RIC3: variants seen among roughly 807,000 people sequenced by gnomAD.
RIC3 encodes the protein protein RIC-3.
Under a neutral mutation model 27.3 loss-of-function variants are expected in RIC3, and 28 were observed. The observed-to-expected ratio is 1.02, with a 90% CI of 0.76 to 1.41. The LOEUF is 1.41. RIC3 is among the 40% of genes most tolerant of loss of function. The probability of loss-of-function intolerance (pLI) is 0.00; values close to 1 mark genes in which losing one functional copy is unlikely to be tolerated. For synonymous variants in RIC3, 184 were observed against 160.4 expected (o/e 1.15, Z -1.11); for missense variants, 501 against 444.7 (o/e 1.13, Z -1.14).
intron 4 of RIC3, among the ~76,000 whole-genome samples, chr11:8,135,210 G>T (rs1948244487): frequency 6.6e-6 from 1 of 152,182 alleles, no homozygotes; most frequent in Non-Finnish European, 1.5e-5. Flanking sequence ...TGGCTAGCCA[G>T]TTTTCCCAAA....
At position 8,146,164 on chromosome 11, in the gene RIC3, G is replaced by A. The variant is rs1283769322; in HGVS notation, c.125-5971C>T. On this transcript the variant is annotated intron_variant, in intron 1 of 5. Coordinates refer to ENST00000309737, the MANE Select transcript of RIC3 (RefSeq NM_001206671.4). Reference sequence around the variant, plus strand: ...TTAACTCTGATTTCCTTAACTGGAAGAATGGAAAATCAAAATGGAGTGAAT... The same window carrying A: ...TTAACTCTGATTTCCTTAACTGGAAAAATGGAAAATCAAAATGGAGTGAAT... Among the ~76,000 whole-genome samples the A allele has an allele frequency of 2.0e-5, 3 of 152,346 alleles. No homozygotes were observed. In the East Asian group the frequency reaches 5.8e-4, roughly 29 times the overall value.
chr11:8,113,781 G>A (rs1342681239), intron 5 of RIC3, among the ~76,000 whole-genome samples: 2 of 152,118 alleles, frequency 1.3e-5, no homozygotes, highest in Admixed American at 6.5e-5. Flanking sequence ...ACCCAAGCCA[G>A]CCCTAATGAA....
chr11:8,122,518 T>C (rs979270025), intron 5 of RIC3, among the ~76,000 whole-genome samples: 2 of 152,000 alleles, frequency 1.3e-5, no homozygotes, highest in Non-Finnish European at 2.9e-5. Context: ...TTCCAGTTCT[T>C]GGCTATTGAA....
downstream of RIC3, chr11:8,101,851 T>TAATGATA: frequency 6.1e-6 from 3 of 491,688 alleles, no homozygotes; most frequent in South Asian, 3.8e-5. Flanking sequence ...AATAATTCTT[T>TAATGATA]CCATGCCACG....
the RIC3 span, chr11:8,100,601 CGTGA>C: frequency 6.2e-7 from 1 of 1,613,498 alleles, no homozygotes; most frequent in Non-Finnish European, 8.5e-7. Context: ...GCCCCCGCAA[CGTGA>C]GTGTCTACCC....
chr11:8,136,391 C>T (rs1404110708), intron 4 of RIC3, among the ~76,000 whole-genome samples: 1 of 152,186 alleles, frequency 6.6e-6, no homozygotes, highest in Non-Finnish European at 1.5e-5. Context: ...TCTGCCACTC[C>T]CCCTAATATT....
At chr11:8,124,582 T>C (rs1438385796) in intron 5 of RIC3, among the ~76,000 whole-genome samples, 3 of 152,060 alleles carry the variant, frequency 2.0e-5, no homozygotes, top group Non-Finnish European at 2.9e-5. Context: ...AAAATAATCT[T>C]GGGAAAAAAA....
chr11:8,160,977 G>A lies in RIC3; in HGVS notation c.124+7889C>T, dbSNP rs180682401. 2.7e-3 allele frequency among the ~76,000 whole-genome samples: 408 copies of A among 152,304 alleles called. 3 individuals carry two copies. Among genetic ancestry groups the A allele is most frequent in the African/African-American group, 9.5e-3 (395 of 41,558 alleles). ...CAATTTAGAAGTTTATTTTGCCAAC[G>A]TTAAGGACACGCCCAGGAGAGAGGT... is the stretch of plus-strand genomic sequence containing the variant. On this transcript the variant is annotated intron_variant, in intron 1 of 5. Transcript: ENST00000309737.
rs972785141 is a variant in RIC3 at position 8,107,360 on chromosome 11, C to T, written c.*3338G>A. On this transcript the variant is annotated 3_prime_UTR_variant, in exon 6 of 6. Coordinates refer to ENST00000309737, the MANE Select transcript of RIC3 (RefSeq NM_001206671.4). ...CTGAACCATGGCCTATCTCCTGTGG[C>T]CTCTGCCTCTGGTGGGAAATAGCGC... The T allele has an allele frequency of 6.6e-6, 1 of 152,274 alleles. No individual in the cohort carries two copies. The highest frequency in any genetic ancestry group is 1.9e-4 in the East Asian group (1 of 5,174). 9.4% of individuals were successfully genotyped at this position (152,274 alleles called of 1,614,324 possible). A position where few individuals can be genotyped will look rare whatever the true frequency, so the allele number is the denominator to read the frequency against.
intron 1 of RIC3, among the ~76,000 whole-genome samples, chr11:8,152,966 T>C (rs1323640445): frequency 6.6e-6 from 1 of 151,936 alleles, no homozygotes; most frequent in East Asian, 1.9e-4. Context: ...AAACAAAAAA[T>C]AGGGTTTCAA....
At chr11:8,112,707 C>T (rs1390183646) in intron 5 of RIC3, among the ~76,000 whole-genome samples, 1 of 152,220 alleles carries the variant, frequency 6.6e-6, no homozygotes, top group African/African-American at 2.4e-5. Flanking sequence ...CTCTCCATGT[C>T]ATTAGGCATT....
chr11:8,163,064 C>CAT (rs1456247410), intron 1 of RIC3, among the ~76,000 whole-genome samples: 16 of 140,764 alleles, frequency 1.1e-4, no homozygotes, highest in Non-Finnish European at 2.0e-4. Context: ...CACACACACA[C>CAT]ACACCCCCCA....
chr11:8,103,729 T>C (rs577008276), downstream of RIC3: 2 of 152,774 alleles, frequency 1.3e-5, no homozygotes, highest in East Asian at 1.9e-4. Context: ...GAGATCTTCA[T>C]GGTGACATTT....
chr11:8,167,003 T>C (rs1304257522), intron 1 of RIC3, among the ~76,000 whole-genome samples: 2 of 152,204 alleles, frequency 1.3e-5, no homozygotes, highest in Non-Finnish European at 1.5e-5. Context: ...ATGGTGTATG[T>C]AACCCCAAAA....
chr11:8,125,251 C>G lies in RIC3; in HGVS notation c.670+1408G>C, dbSNP rs1378967347. 3.6e-5 allele frequency among the ~76,000 whole-genome samples: 5 copies of G among 138,574 alleles called. No homozygotes were observed. The South Asian group carries it at 1.2e-3, about 33-fold the overall frequency. The allele number at this position is 138,574 out of a possible 152,430, so 90.9% of individuals were successfully genotyped here. A position where few individuals can be genotyped will look rare whatever the true frequency, so the allele number is the denominator to read the frequency against. On this transcript the variant is annotated intron_variant, in intron 5 of 5. Coordinates refer to ENST00000309737, the MANE Select transcript of RIC3 (RefSeq NM_001206671.4). ...CCTGGGTGACAGAGCAAGACTCTGT[C>G]TCAAAAAAAAAAAAAAAGTAAATCG... is the stretch of plus-strand genomic sequence containing the variant.
At chr11:8,119,477 A>T (rs1946221194) in intron 5 of RIC3, among the ~76,000 whole-genome samples, 1 of 152,354 alleles carries the variant, frequency 6.6e-6, no homozygotes, top group Middle Eastern at 3.4e-3. Context: ...GGTGCTGGGA[A>T]AACTGGCTAG....
chr11:8,148,745 TG>T (rs35859284), intron 1 of RIC3, among the ~76,000 whole-genome samples: 4 of 152,204 alleles, frequency 2.6e-5, no homozygotes, highest in African/African-American at 9.6e-5. Flanking sequence ...AGTTCCCACA[TG>T]GAACAATGCC....
At chr11:8,144,726 C>G (rs972536639) in intron 1 of RIC3, among the ~76,000 whole-genome samples, 11 of 151,642 alleles carry the variant, frequency 7.3e-5, no homozygotes, top group Non-Finnish European at 1.5e-4. Context: ...AAGACACATG[C>G]ACACGTATGT....
intron 1 of RIC3, among the ~76,000 whole-genome samples, chr11:8,151,284 C>T (rs982173686): frequency 2.0e-5 from 3 of 152,156 alleles, no homozygotes; most frequent in South Asian, 2.1e-4. Flanking sequence ...ATTCTTACCA[C>T]GCAACATTAA....
Sources: allele counts gnomAD v4.1 joint callset (sites outside exome capture counted in the v4.1 genomes callset), GRCh38; gene constraint gnomAD v4.1.1; transcripts MANE v1.5; gene names NCBI Gene and HGNC (gene_info 2026-07-23, HGNC 2026-07-21).